Variants in SMG6 observed in about 807,000 individuals in gnomAD.
SMG6 encodes the protein telomerase-binding protein EST1A.
SMG6 carries 66 observed loss-of-function variants against 142.2 expected under a neutral mutation model. The ratio of observed to expected loss-of-function variants is 0.46; its 90% CI spans 0.38 to 0.57. SMG6 has a LOEUF of 0.57. Among genes scored for constraint, SMG6 ranks in the 20% least tolerant of loss-of-function variants. The probability of loss-of-function intolerance (pLI) is 0.00; values close to 1 mark genes in which losing one functional copy is unlikely to be tolerated. For synonymous variants in SMG6, 779 were observed against 702.4 expected (o/e 1.11, Z -1.72); for missense variants, 1,793 against 1,832.0 (o/e 0.98, Z 0.39).
chr17:2,172,946 T>C, intron 12 of SMG6, 87 bp from the exon 13 acceptor site: 2 of 1,272,000 alleles, frequency 1.6e-6, no homozygotes, highest in South Asian at 1.3e-5. Flanking sequence ...AGGGAAGTAC[T>C]TGCAGCAAAT....
intron 2 of SMG6, 125 bp from the exon 3 acceptor site, chr17:2,298,180 T>C: frequency 1.3e-6 from 1 of 758,934 alleles, no homozygotes; most frequent in South Asian, 2.0e-5. Context: ...ACCAGGTAGG[T>C]ATACTACTCA....
intron 13 of SMG6, among the ~76,000 whole-genome samples, chr17:2,104,244 C>A (rs544700020): frequency 6.6e-6 from 1 of 152,134 alleles, no homozygotes; most frequent in African/African-American, 2.4e-5. Context: ...AGCCACCGCG[C>A]CCGGCCACAC....
At chr17:2,283,574 A>G (rs545448454) in intron 7 of SMG6, 51 bp downstream of exon 7, 6 of 1,435,378 alleles carry the variant, frequency 4.2e-6, no homozygotes, top group South Asian at 2.3e-5. Context: ...ACCAACACTC[A>G]GGGAAATGCA....
chr17:2,146,710 C>A (rs1482355392), intron 13 of SMG6, among the ~76,000 whole-genome samples: 1 of 152,104 alleles, frequency 6.6e-6, no homozygotes, highest in Non-Finnish European at 1.5e-5. Flanking sequence ...GGACTACAGG[C>A]GCATGCTGCC....
At chr17:2,173,743 T>C (rs912526434) in intron 12 of SMG6, among the ~76,000 whole-genome samples, 2 of 151,032 alleles carry the variant, frequency 1.3e-5, no homozygotes, top group African/African-American at 2.4e-5. Flanking sequence ...AATTTCAGCA[T>C]AGAATTATAA....
chr17:2,262,521 C>A (rs1265003931), intron 8 of SMG6, among the ~76,000 whole-genome samples: 2 of 152,136 alleles, frequency 1.3e-5, no homozygotes, highest in African/African-American at 4.8e-5. Flanking sequence ...CAGTTTCGAA[C>A]CATGCTATGT....
At chr17:2,093,748 G>A (rs1017481001) in intron 13 of SMG6, among the ~76,000 whole-genome samples, 4 of 152,104 alleles carry the variant, frequency 2.6e-5, no homozygotes, top group Non-Finnish European at 5.9e-5. Flanking sequence ...GCTTGCAGCA[G>A]GCTCAGTCTC....
At chr17:2,273,540 G>A (rs1020555104) in intron 8 of SMG6, among the ~76,000 whole-genome samples, 1 of 152,240 alleles carries the variant, frequency 6.6e-6, no homozygotes, top group African/African-American at 2.4e-5. Flanking sequence ...GGCTGAGGCA[G>A]GAGAATCGTT....
chr17:2,067,590 C>G (rs552822130), intron 16 of SMG6, among the ~76,000 whole-genome samples: 17 of 152,286 alleles, frequency 1.1e-4, no homozygotes, highest in African/African-American at 3.6e-4. Context: ...AGAAACTGTT[C>G]TACTGTTGAA....
At chr17:2,241,698 C>T (rs1227218079) in intron 9 of SMG6, among the ~76,000 whole-genome samples, 2 of 152,154 alleles carry the variant, frequency 1.3e-5, no homozygotes, top group African/African-American at 4.8e-5. Flanking sequence ...GTCATTATCT[C>T]GCTTTTTCAT....
chr17:2,237,010 C>G, intron 9 of SMG6: 1 of 188,424 alleles, frequency 5.3e-6, no homozygotes, highest in South Asian at 1.9e-4. Flanking sequence ...TTTCCTGAAA[C>G]CTTCACAGTC....
chr17:2,094,891 C>T (rs972476927), intron 13 of SMG6: 2 of 152,218 alleles, frequency 1.3e-5, no homozygotes, highest in African/African-American at 4.8e-5. Flanking sequence ...TGGACAGAAA[C>T]TATTCTTTTC....
chr17:2,197,648 T>G (rs914169666), intron 10 of SMG6, among the ~76,000 whole-genome samples: 1 of 151,616 alleles, frequency 6.6e-6, no homozygotes, highest in African/African-American at 2.4e-5. Context: ...CAACAATACA[T>G]TTAGAAAATG....
Position 2,112,799 on chromosome 17 carries a change from C to A in SMG6, c.3358-26898G>T, listed in dbSNP as rs1428205448. 2.7e-5 allele frequency among the ~76,000 whole-genome samples: 4 copies of A among 150,836 alleles called. No homozygotes were observed. The East Asian group carries it at 7.8e-4, about 29-fold the overall frequency. The stretch of plus-strand genomic sequence containing the variant: ...TTGAGACAGACTCTCACTCCGCCAC[C>A]CAGGCTAGAGTGCAGTGGCGCAATC... On this transcript the variant is annotated intron_variant, in intron 13 of 18. Transcript: ENST00000263073.
intron 12 of SMG6, among the ~76,000 whole-genome samples, chr17:2,184,070 C>T (rs535315924): frequency 6.6e-6 from 1 of 152,356 alleles, no homozygotes; most frequent in South Asian, 2.1e-4. Context: ...CAGACACAGA[C>T]AGATACACTG....
rs574858094 is a variant in SMG6 at position 2,075,218 on chromosome 17, C to G, written c.3682-6287G>C. ...ACCCCATTGTTCCACAACAGCCCCC[C>G]CTAGCTGGGTGGCAGTATGAATGGA... On this transcript the variant is annotated intron_variant, in intron 15 of 18. Transcript: ENST00000263073. Among the ~76,000 whole-genome samples the G allele has an allele frequency of 3.2e-4, 46 of 142,940 alleles. 1 individual carries two copies. In the South Asian group the frequency reaches 6.2e-3, roughly 19 times the overall value. The allele number at this position is 142,940 out of a possible 152,430, so 93.8% of individuals were successfully genotyped here.
intron 8 of SMG6, among the ~76,000 whole-genome samples, chr17:2,275,893 A>G (rs1159976241): frequency 6.6e-6 from 1 of 152,058 alleles, no homozygotes; most frequent in Non-Finnish European, 1.5e-5. Context: ...AAAACCAACA[A>G]CCCACAAGCT....
intron 16 of SMG6, among the ~76,000 whole-genome samples, chr17:2,067,669 G>A (rs1022409370): frequency 1.3e-5 from 2 of 152,146 alleles, no homozygotes; most frequent in African/African-American, 4.8e-5. Context: ...ACATGGGGAG[G>A]GGAAGGAAGA....
At chr17:2,276,122 C>A (rs562377895) in intron 8 of SMG6, among the ~76,000 whole-genome samples, 42 of 152,292 alleles carry the variant, frequency 2.8e-4, no homozygotes, top group African/African-American at 9.9e-4. Context: ...CTATAATGTT[C>A]ATTTTGAAAA....
Sources: gnomAD v4.1 joint callset for allele counts (sites outside exome capture counted in the v4.1 genomes callset) on GRCh38, gnomAD v4.1.1 for gene constraint, MANE v1.5 for transcripts, NCBI Gene and HGNC (gene_info 2026-07-23, HGNC 2026-07-21) for gene names.